The following EYS variants were observed in gnomAD, a reference collection of about 807,000 sequenced individuals.
EYS encodes the protein protein eyes shut homolog.
Under a neutral mutation model 282.1 loss-of-function variants are expected in EYS, and 250 were observed. The ratio of observed to expected loss-of-function variants is 0.89; its 90% CI spans 0.80 to 0.98. The LOEUF (loss-of-function observed/expected upper bound fraction) is 0.98. Among genes scored for constraint, EYS ranks in the 50% least tolerant of loss-of-function variants. EYS has a pLI of 0.00. For missense variants in EYS, 4,016 were observed against 3,709.0 expected (o/e 1.08, Z -2.15); for synonymous variants, 1,355 against 1,282.9 (o/e 1.06, Z -1.20).
At chr6:63,824,546 C>T (rs567748817) in intron 36 of EYS, among the ~76,000 whole-genome samples, 132 of 152,232 alleles carry the variant, frequency 8.7e-4, no homozygotes, top group Non-Finnish European at 1.6e-3. Flanking sequence ...TGCTGCAGGA[C>T]GCGGAGACAC....
intron 26 of EYS, among the ~76,000 whole-genome samples, chr6:64,480,919 C>T (rs2150499230): frequency 6.6e-6 from 1 of 151,774 alleles, no homozygotes; most frequent in East Asian, 1.9e-4. Flanking sequence ...TTATTGTCAT[C>T]AGACTTTTCC....
chr6:64,584,971 A>G (rs1204207921), intron 26 of EYS, among the ~76,000 whole-genome samples: 3 of 152,138 alleles, frequency 2.0e-5, no homozygotes, highest in African/African-American at 4.8e-5. Context: ...CAATATCGTT[A>G]CTGGATATAT....
chr6:64,482,443 TATTTTTTTCAAATATGG>T (rs1776462397), intron 26 of EYS, among the ~76,000 whole-genome samples: 1 of 151,770 alleles, frequency 6.6e-6, no homozygotes, highest in African/African-American at 2.4e-5. Flanking sequence ...GAAGATAGCT[TATTTTTTTCAAATATGG>T]CTCTGCCATT....
At position 64,195,231 on chromosome 6, in the gene EYS, T is replaced by G. The variant is rs367857603; in HGVS notation, c.6424+35361A>C. On this transcript the variant is annotated intron_variant, in intron 31 of 42. Transcript: ENST00000503581. ...GTAAAGATCTACTGGTGACAAACTG[T>G]TTTTTTGAGATTATTTTTTAATTTG... 1.2e-4 allele frequency among the ~76,000 whole-genome samples: 19 copies of G among 152,264 alleles called. No individual in the cohort carries two copies. The East Asian group carries it at 3.3e-3, about 26-fold the overall frequency.
At chr6:64,854,179 G>T (rs1020168649) in intron 19 of EYS, among the ~76,000 whole-genome samples, 2 of 152,132 alleles carry the variant, frequency 1.3e-5, no homozygotes, top group African/African-American at 4.8e-5. Context: ...AACCATTGTG[G>T]AAGTCAGTGT....
At chr6:63,905,189 G>T (rs996182309) in intron 35 of EYS, among the ~76,000 whole-genome samples, 3 of 152,086 alleles carry the variant, frequency 2.0e-5, no homozygotes, top group Non-Finnish European at 2.9e-5. Flanking sequence ...TTCTCACTTA[G>T]CATGTTTTCA....
intron 7 of EYS, among the ~76,000 whole-genome samples, chr6:65,389,407 TAGAC>T (rs1282146778): frequency 6.6e-6 from 1 of 152,134 alleles, no homozygotes; most frequent in African/African-American, 2.4e-5. Flanking sequence ...ACTCTTCCCT[TAGAC>T]AGCTGCACAT....
At chr6:63,964,134 G>A (rs1385818987) in intron 35 of EYS, among the ~76,000 whole-genome samples, 1 of 152,094 alleles carries the variant, frequency 6.6e-6, no homozygotes, top group Non-Finnish European at 1.5e-5. Flanking sequence ...TTAATTTGAA[G>A]TAAAATTGAA....
chr6:64,540,010 A>G (rs1407591447), intron 26 of EYS, among the ~76,000 whole-genome samples: 1 of 152,220 alleles, frequency 6.6e-6, no homozygotes, highest in Admixed American at 6.5e-5. Flanking sequence ...AGAGCTGAGA[A>G]GAGAGGAACC....
chr6:65,603,601 T>C (rs1456284948), intron 2 of EYS, among the ~76,000 whole-genome samples: 3 of 152,004 alleles, frequency 2.0e-5, no homozygotes, highest in Non-Finnish European at 4.4e-5. Context: ...CACTTTATAA[T>C]ACATATCACA....
chr6:65,072,803 T>C (rs925657045), intron 12 of EYS, among the ~76,000 whole-genome samples: 1 of 151,282 alleles, frequency 6.6e-6, no homozygotes, highest in Non-Finnish European at 1.5e-5. Context: ...TTACGTAAGA[T>C]AATTATTTGA....
Position 65,089,943 on chromosome 6 carries a change from C to CAA in EYS, c.2024-32218_2024-32217dup, listed in dbSNP as rs376305956. ...CTGCATTCTAGCCTGGGCAAGAAAG[C>CAA]AAAAAAAAAAAAAAAAATTATATAT... is the stretch of plus-strand genomic sequence containing the variant. On this transcript the variant is annotated intron_variant, in intron 12 of 42. Coordinates refer to ENST00000503581, the MANE Select transcript of EYS (RefSeq NM_001142800.2). Among the ~76,000 whole-genome samples the CAA allele has an allele frequency of 5.7e-3, 442 of 77,818 alleles. 1 individual carries two copies. Among genetic ancestry groups the CAA allele is most frequent in the African/African-American group, 0.015 (369 of 25,176 alleles). The allele number at this position is 77,818 out of a possible 152,430, so 51.1% of individuals were successfully genotyped here. A position where few individuals can be genotyped will look rare whatever the true frequency, so the allele number is the denominator to read the frequency against.
At chr6:65,531,127 A>G in intron 2 of EYS, among the ~76,000 whole-genome samples, 1 of 152,232 alleles carries the variant, frequency 6.6e-6, no homozygotes, top group East Asian at 1.9e-4. Context: ...AGTGCTTTTA[A>G]AACTCTTTGA....
At chr6:64,626,356 G>A (rs1767610331) in intron 22 of EYS, 111 bp from the exon 23 acceptor site, 11 of 1,297,776 alleles carry the variant, frequency 8.5e-6, no homozygotes, top group Admixed American at 6.5e-5. Context: ...CCAACAACAT[G>A]TAGCTGGGAG....
chr6:64,367,931 ATCT>A (rs956811261), intron 29 of EYS, among the ~76,000 whole-genome samples: 1 of 152,098 alleles, frequency 6.6e-6, no homozygotes, highest in African/African-American at 2.4e-5. Flanking sequence ...GGAGCCTGAC[ATCT>A]TCTACTTTTG....
intron 1 of EYS, among the ~76,000 whole-genome samples, chr6:65,678,019 A>T (rs1004770167): frequency 2.6e-5 from 4 of 152,064 alleles, no homozygotes; most frequent in African/African-American, 4.8e-5. Context: ...TTAGTTGCCA[A>T]ATGGTTCTGC....
intron 26 of EYS, among the ~76,000 whole-genome samples, chr6:64,589,537 T>C (rs1000697541): frequency 6.6e-6 from 1 of 152,022 alleles, no homozygotes; most frequent in Non-Finnish European, 1.5e-5. Flanking sequence ...ACCAATTTGA[T>C]AGCAATTACA....
chr6:65,524,832 G>C (rs1201988118), intron 2 of EYS, among the ~76,000 whole-genome samples: 1 of 152,174 alleles, frequency 6.6e-6, no homozygotes, highest in African/African-American at 2.4e-5. Flanking sequence ...ACAAAATGCT[G>C]CCTCTTTTAT....
At chr6:64,042,812 C>T (rs1770450234) in intron 33 of EYS, among the ~76,000 whole-genome samples, 1 of 152,160 alleles carries the variant, frequency 6.6e-6, no homozygotes, top group Admixed American at 6.6e-5. Context: ...GCTGACTTGC[C>T]TCTAGTCAAT....
Sources: allele counts gnomAD v4.1 joint callset (sites outside exome capture counted in the v4.1 genomes callset), GRCh38; gene constraint gnomAD v4.1.1; transcripts MANE v1.5; gene names NCBI Gene and HGNC (gene_info 2026-07-23, HGNC 2026-07-21).